The following GRHL2 variants were observed in gnomAD, a reference collection of about 807,000 sequenced individuals.
GRHL2 encodes the protein grainyhead like transcription factor 2.
A neutral mutation model predicts 83.8 loss-of-function variants in GRHL2; 21 were observed. The observed-to-expected ratio is 0.25, with a 90% CI of 0.18 to 0.36. The LOEUF (loss-of-function observed/expected upper bound fraction) is 0.36, where lower values mean the gene tolerates loss of function less well. Among genes scored for constraint, GRHL2 ranks in the 10% least tolerant of loss-of-function variants. The pLI, the probability that GRHL2 is intolerant of heterozygous loss-of-function variation, is 1.00. For synonymous variants in GRHL2, 280 were observed against 278.9 expected, an observed-to-expected ratio of 1.00 and a Z score of -0.04; for missense variants, 623 against 781.8, an observed-to-expected ratio of 0.80 and a Z score of 2.42.
chr8:101,607,226 A>T (rs577110567), intron 8 of GRHL2, among the ~76,000 whole-genome samples: 15 of 152,332 alleles, frequency 9.8e-5, no homozygotes, highest in African/African-American at 3.4e-4. Flanking sequence ...GTCTTAACGG[A>T]TCATGCTTTC....
chr8:101,666,087 C>T (rs1814048969), intron 15 of GRHL2, among the ~76,000 whole-genome samples: 1 of 152,174 alleles, frequency 6.6e-6, no homozygotes, highest in African/African-American at 2.4e-5. Context: ...GGCAATGACA[C>T]CTACCTTCAC....
At chr8:101,570,232 C>A (rs1396639235) in intron 4 of GRHL2, 107 bp from the exon 5 acceptor site, 3 of 963,926 alleles carry the variant, frequency 3.1e-6, no homozygotes, top group Non-Finnish European at 5.0e-6. Flanking sequence ...AAATACATAA[C>A]TTTATTTTCT....
chr8:101,611,636 A>G (rs1289706623), intron 8 of GRHL2, among the ~76,000 whole-genome samples: 1 of 150,644 alleles, frequency 6.6e-6, no homozygotes, highest in Non-Finnish European at 1.5e-5. Context: ...TACTGAACAC[A>G]ATGGCCTTTT....
At chr8:101,640,870 C>A (rs1337140033) in intron 12 of GRHL2, among the ~76,000 whole-genome samples, 1 of 152,174 alleles carries the variant, frequency 6.6e-6, no homozygotes, top group African/African-American at 2.4e-5. Context: ...ACTTTATTTT[C>A]TCCCATGCTT....
At position 101,558,423 on chromosome 8, in the gene GRHL2, T is replaced by G. The variant is rs1220524225; in HGVS notation, c.289T>G (p.Cys97Gly). 1.2e-6 allele frequency: 2 copies of G among 1,614,058 alleles called. No homozygotes were observed. The highest frequency in any genetic ancestry group is 2.7e-5 in the African/African-American group (2 of 74,930). Residue 97 changes from cysteine (C) to glycine (G), a missense_variant, in exon 4 of 16, where the codon TGC becomes GGC. Cys to Gly is a radical substitution (Grantham distance 159). Transcript: ENST00000646743. ...GCGGGGGGTTTCAACACACAGAAACTGCCTTGGCACCAGTGAAGCCCAGAG... is the reference window on the plus strand; with the variant it reads ...GCGGGGGGTTTCAACACACAGAAACGGCCTTGGCACCAGTGAAGCCCAGAG... ...DSQEDQEKRN[C>G]LGTSEAQSNL...
chr8:101,666,510 C>G, intron 15 of GRHL2, 79 bp from the exon 16 acceptor site: 1 of 823,452 alleles, frequency 1.2e-6, no homozygotes, highest in Non-Finnish European at 2.1e-6. Flanking sequence ...ACGAGAACCC[C>G]CAGCCTGGAG....
At chr8:101,655,192 A>C (rs1010960810) in intron 14 of GRHL2, among the ~76,000 whole-genome samples, 1 of 152,092 alleles carries the variant, frequency 6.6e-6, no homozygotes, top group East Asian at 1.9e-4. Context: ...CTAAAAAAAA[A>C]AAAAAGAAGA....
chr8:101,515,022 T>TTTCCTTCCTTCCTTCCTTCCTTCC (rs758781328), intron 1 of GRHL2, among the ~76,000 whole-genome samples: 2 of 148,224 alleles, frequency 1.3e-5, no homozygotes, highest in African/African-American at 5.2e-5. Context: ...CCCCCTTCAT[T>TTTCCTTCCTTCCTTCCTTCCTTCC]TTCCTTCCTT....
chr8:101,519,683 C>T (rs1452624656), intron 1 of GRHL2, among the ~76,000 whole-genome samples: 1 of 151,730 alleles, frequency 6.6e-6, no homozygotes, highest in Non-Finnish European at 1.5e-5. Context: ...CCTTCATCCA[C>T]ATCACACACA....
rs557365823 is a variant in GRHL2, at chr8:101,618,015, T to G, written c.1099-1524T>G. On this transcript the variant is annotated intron_variant, in intron 8 of 15. Coordinates refer to ENST00000646743, the MANE Select transcript of GRHL2 (RefSeq NM_024915.4). ...TTACAATTTTAAAGCAATGAATAGT[T>G]TAACATTTTATTTTAAATAAAAAGA... is the stretch of plus-strand genomic sequence containing the variant. 4.6e-5 allele frequency among the ~76,000 whole-genome samples: 7 copies of G among 152,330 alleles called. No individual in the cohort carries two copies. The East Asian group carries it at 1.3e-3, about 29-fold the overall frequency.
At chr8:101,680,048 A>C in the GRHL2 span, among the ~76,000 whole-genome samples, 2 of 119,452 alleles carry the variant, frequency 1.7e-5, 1 homozygote, top group Non-Finnish European at 3.4e-5. Context: ...TATCATCATA[A>C]TGACAGGATC....
intron 1 of GRHL2, among the ~76,000 whole-genome samples, chr8:101,495,929 A>G (rs1221490035): frequency 6.6e-6 from 1 of 152,184 alleles, no homozygotes; most frequent in Non-Finnish European, 1.5e-5. Flanking sequence ...CAGGTGGATC[A>G]CGAGGTCAGG....
intron 9 of GRHL2, among the ~76,000 whole-genome samples, chr8:101,620,921 T>C (rs1368333966): frequency 2.0e-5 from 3 of 150,698 alleles, no homozygotes; most frequent in Non-Finnish European, 1.5e-5. Flanking sequence ...GACAAAATCC[T>C]GCTTTGGAGA....
intron 11 of GRHL2, among the ~76,000 whole-genome samples, chr8:101,633,782 T>C (rs1196064972): frequency 2.6e-5 from 4 of 152,164 alleles, no homozygotes; most frequent in Non-Finnish European, 5.9e-5. Flanking sequence ...GCACTGTCTG[T>C]GCCCCATGGG....
At chr8:101,514,279 A>T (rs1810524183) in intron 1 of GRHL2, among the ~76,000 whole-genome samples, 1 of 152,240 alleles carries the variant, frequency 6.6e-6, no homozygotes, top group African/African-American at 2.4e-5. Flanking sequence ...AACTGGGACC[A>T]ATAAGTGAAA....
chr8:101,565,198 A>G (rs1312851439), intron 4 of GRHL2, among the ~76,000 whole-genome samples: 2 of 152,362 alleles, frequency 1.3e-5, no homozygotes, highest in East Asian at 3.9e-4. Context: ...CATGCCACTA[A>G]TAAGCAAAGA....
At chr8:101,504,201 C>T (rs1025862770) in intron 1 of GRHL2, among the ~76,000 whole-genome samples, 16 of 152,186 alleles carry the variant, frequency 1.1e-4, no homozygotes, top group African/African-American at 3.6e-4. Flanking sequence ...GAATGCCACG[C>T]TGCCCTTCAC....
intron 6 of GRHL2, 49 bp downstream of exon 6, chr8:101,573,873 A>G (rs751326236): frequency 6.3e-7 from 1 of 1,591,610 alleles, no homozygotes. Context: ...CGATGAACGG[A>G]ATGGCTACCT....
intron 7 of GRHL2, among the ~76,000 whole-genome samples, chr8:101,597,676 G>C (rs1037081407): frequency 6.8e-6 from 1 of 148,094 alleles, no homozygotes; most frequent in African/African-American, 2.5e-5. Context: ...ATCCGGGTCT[G>C]TTGTGGGGTG....
Sources: allele counts gnomAD v4.1 joint callset (sites outside exome capture counted in the v4.1 genomes callset), GRCh38; gene constraint gnomAD v4.1.1; transcripts MANE v1.5; gene names NCBI Gene and HGNC (gene_info 2026-07-23, HGNC 2026-07-21).